Variants in TRA2A observed in about 807,000 individuals in gnomAD.
TRA2A encodes the protein transformer 2 alpha homolog, also known as transformer-2 protein homolog alpha.
Under a neutral mutation model 45.7 loss-of-function variants are expected in TRA2A, and 31 were observed. The ratio of observed to expected loss-of-function variants is 0.68; its 90% CI spans 0.51 to 0.92. TRA2A has a LOEUF of 0.92. Among genes scored for constraint, TRA2A ranks in the 40% least tolerant of loss-of-function variants. TRA2A has a pLI of 0.00. For synonymous variants in TRA2A, 132 were observed against 126.2 expected (o/e 1.05, Z -0.31); for missense variants, 304 against 367.5 (o/e 0.83, Z 1.41).
Position 23,505,742 on chromosome 7 carries a change from A to G in TRA2A, c.838+4T>C, listed in dbSNP as rs1284247597. On this transcript the variant is annotated splice_donor_region_variant and intron_variant, in intron 7 of 7. Transcript: ENST00000297071. ...TTTATGCTACAAAAGTAAAGTTCAC[A>G]TACTTGGGCTGTAGGAACGAGATCT... is the stretch of plus-strand genomic sequence containing the variant. The G allele has an allele frequency of 6.5e-7, 1 of 1,538,572 alleles. No individual in the cohort carries two copies. The highest frequency in any genetic ancestry group is 1.4e-5 in the African/African-American group (1 of 71,258).
intron 7 of TRA2A, 50 bp from the exon 8 acceptor site, chr7:23,505,619 ATAGTT>A: frequency 1.8e-6 from 1 of 564,812 alleles, no homozygotes; most frequent in Non-Finnish European, 3.2e-6. Context: ...GTTAACAATT[ATAGTT>A]TAATTTGCCT....
At chr7:23,512,486 T>A (rs1218049209) in intron 4 of TRA2A, among the ~76,000 whole-genome samples, 1 of 150,686 alleles carries the variant, frequency 6.6e-6, no homozygotes, top group Non-Finnish European at 1.5e-5. Flanking sequence ...TGAGACGGAG[T>A]CTCACTGTGT....
chr7:23,531,684 T>G (rs1037824884), intron 1 of TRA2A, 105 bp downstream of exon 1: 1 of 1,240,964 alleles, frequency 8.1e-7, no homozygotes, highest in Middle Eastern at 1.9e-4. Context: ...GCTCCAGAGG[T>G]TGCTCCTCGC....
chr7:23,519,975 C>T (rs770961127), intron 2 of TRA2A, among the ~76,000 whole-genome samples: 10 of 152,204 alleles, frequency 6.6e-5, no homozygotes, highest in Non-Finnish European at 1.0e-4. Flanking sequence ...CGCCTGTAAT[C>T]CCAACACTTT....
At chr7:23,508,660 A>G (rs967451152) in intron 4 of TRA2A, among the ~76,000 whole-genome samples, 10 of 152,044 alleles carry the variant, frequency 6.6e-5, no homozygotes, top group Non-Finnish European at 1.0e-4. Context: ...ATGCCCAGCT[A>G]ATTTTTTGTA....
chr7:23,514,633 T>A (rs1789775265), intron 3 of TRA2A, among the ~76,000 whole-genome samples: 1 of 152,054 alleles, frequency 6.6e-6, no homozygotes, highest in Non-Finnish European at 1.5e-5. Context: ...CTCACTCTCT[T>A]GCCCAAGCTG....
intron 2 of TRA2A, among the ~76,000 whole-genome samples, chr7:23,518,220 C>T (rs979221826): frequency 1.3e-5 from 2 of 152,010 alleles, no homozygotes; most frequent in African/African-American, 4.8e-5. Context: ...GTGCCTGGCC[C>T]ATAAAGTTCT....
At chr7:23,523,874 T>C (rs1283224630) in intron 1 of TRA2A, among the ~76,000 whole-genome samples, 2 of 152,226 alleles carry the variant, frequency 1.3e-5, no homozygotes, top group Non-Finnish European at 2.9e-5. Flanking sequence ...TAAGAGTATC[T>C]TCCCCTCTTC....
In TRA2A at chr7:23,512,876, T is replaced by C; in HGVS notation, c.525+18A>G. The C allele has an allele frequency of 6.3e-7, 1 of 1,582,768 alleles. No homozygotes were observed. Among genetic ancestry groups the C allele is most frequent in the Non-Finnish European group, 8.6e-7 (1 of 1,161,104 alleles). ...ACTAATTCAGTACTATAATCAGGCA[T>C]ATAAAAGACAAATTTACCTCCTTTG... is the stretch of plus-strand genomic sequence containing the variant. On this transcript the variant is annotated intron_variant, in intron 4 of 7. Transcript: ENST00000297071.
intron 4 of TRA2A, 31 bp from the exon 5 acceptor site, chr7:23,507,566 T>TAA: frequency 6.9e-7 from 1 of 1,455,626 alleles, no homozygotes; most frequent in Non-Finnish European, 9.7e-7. Context: ...AAGTCACGTA[T>TAA]AATTCACCAG....
Position 23,512,907 on chromosome 7 carries a change from T to C in TRA2A, c.512A>G (p.Asp171Gly). 4 of 1,612,792 alleles carry C rather than the reference T, an allele frequency of 2.5e-6. No homozygotes were observed. Among genetic ancestry groups the C allele is most frequent in the Non-Finnish European group, 3.4e-6 (4 of 1,179,350 alleles). Residue 171 changes from aspartate (D) to glycine (G), a missense_variant, in exon 4 of 8, where the codon GAT becomes GGT. Asp to Gly is a moderately conservative substitution (Grantham distance 94). Around this residue, in one of 3 missense-constraint regions of TRA2A, gnomAD observed 130 missense variants for 217.1 expected, o/e 0.60. Transcript: ENST00000297071. ...GFAFVYFERIDDSKEAMERAN... is the reference protein window; with the variant it reads ...GFAFVYFERIGDSKEAMERAN... ...AGACAAATTTACCTCCTTTGAGTCA[T>C]CTATTCTCTCAAAATACACAAAAGC...
At chr7:23,520,141 G>A (rs555164456) in intron 2 of TRA2A, among the ~76,000 whole-genome samples, 8 of 152,138 alleles carry the variant, frequency 5.3e-5, no homozygotes, top group South Asian at 4.2e-4. Context: ...GCTTGAACCC[G>A]GGAGGTGGAG....
chr7:23,524,686 T>C (rs1022155043), intron 1 of TRA2A, among the ~76,000 whole-genome samples: 1 of 89,818 alleles, frequency 1.1e-5, no homozygotes, highest in Admixed American at 1.2e-4. Context: ...TCACTATGAT[T>C]TTAACTATTT....
In TRA2A at chr7:23,531,918, G is replaced by A; in HGVS notation, c.-94C>T. ...CCCGCTGACTGGACCGTGGGGAAGA[G>A]GAAAGAGTCGGCAACCACAGCCGCT... On this transcript the variant is annotated 5_prime_UTR_variant, in exon 1 of 8. Coordinates refer to ENST00000297071, the MANE Select transcript of TRA2A (RefSeq NM_013293.5). 2 of 1,418,206 alleles carry A rather than the reference G, an allele frequency of 1.4e-6. No homozygotes were observed. The highest frequency in any genetic ancestry group is 2.3e-5 in the East Asian group (1 of 43,760). The allele number at this position is 1,418,206 out of a possible 1,614,324, so 87.9% of individuals were successfully genotyped here. A position where few individuals can be genotyped will look rare whatever the true frequency, so the allele number is the denominator to read the frequency against.
At chr7:23,531,518 G>A (rs1790582896) in intron 1 of TRA2A, 4 of 561,360 alleles carry the variant, frequency 7.1e-6, no homozygotes, top group Non-Finnish European at 1.3e-5. Context: ...GGGGTGGGGA[G>A]AAGGGAGGAA....
chr7:23,517,376 G>C (rs900871735), intron 2 of TRA2A, among the ~76,000 whole-genome samples: 27 of 149,832 alleles, frequency 1.8e-4, no homozygotes, highest in Non-Finnish European at 3.0e-4. Context: ...CTACTTGGGA[G>C]GCTGAGGCAG....
At chr7:23,528,982 C>T (rs904051697) in intron 1 of TRA2A, among the ~76,000 whole-genome samples, 2 of 152,142 alleles carry the variant, frequency 1.3e-5, no homozygotes, top group Non-Finnish European at 2.9e-5. Context: ...AATAAAGAAT[C>T]ATTAACCTCC....
At chr7:23,523,074 A>G (rs1038839538) in intron 1 of TRA2A, among the ~76,000 whole-genome samples, 6 of 152,192 alleles carry the variant, frequency 3.9e-5, no homozygotes, top group African/African-American at 1.4e-4. Context: ...TAGCTTATTA[A>G]TTCCTGATAT....
rs70954385 is a variant in TRA2A at position 23,517,477 on chromosome 7, C to CAAAAAAAA, written c.171-957_171-950dup. Among the ~76,000 whole-genome samples the CAAAAAAAA allele has an allele frequency of 7.0e-3, 97 of 13,918 alleles. 15 individuals are homozygous for CAAAAAAAA. Among genetic ancestry groups the CAAAAAAAA allele is most frequent in the Non-Finnish European group, 0.012 (64 of 5,506 alleles). 9.1% of individuals were successfully genotyped at this position (13,918 alleles called of 152,430 possible). ...TGGGCGACAGAGCAAGACTACGTCTCAAAAAAAAAAAAAAAAAAAAAAAAA... is the reference window on the plus strand; with the variant it reads ...TGGGCGACAGAGCAAGACTACGTCTCAAAAAAAAAAAAAAAAAAAAAAAAAAAAAAAAA... On this transcript the variant is annotated intron_variant, in intron 2 of 7. Coordinates refer to ENST00000297071, the MANE Select transcript of TRA2A (RefSeq NM_013293.5).
Sources: gnomAD v4.1 joint callset for allele counts (sites outside exome capture counted in the v4.1 genomes callset) on GRCh38, gnomAD v4.1.1 for gene constraint, gnomAD v4.1.1 regional missense constraint, MANE v1.5 for transcripts, NCBI Gene and HGNC (gene_info 2026-07-23, HGNC 2026-07-21) for gene names.